Variants in LYPLAL1 observed in about 807,000 individuals in gnomAD.
LYPLAL1 encodes lysophospholipase like 1.
LYPLAL1 carries 23 observed loss-of-function variants against 19.7 expected under a neutral mutation model. The ratio of observed to expected loss-of-function variants is 1.17; its 90% CI spans 0.84 to 1.65. The LOEUF is 1.65. Among genes scored for constraint, LYPLAL1 ranks in the 40% most tolerant of loss-of-function variants. LYPLAL1 has a pLI of 0.00. For missense variants in LYPLAL1, 355 were observed against 279.4 expected (o/e 1.27, Z -1.93); for synonymous variants, 119 against 96.3 (o/e 1.24, Z -1.38).
chr1:219,342,302 T>C, the LYPLAL1 span, among the ~76,000 whole-genome samples: 1 of 152,118 alleles, frequency 6.6e-6, no homozygotes, highest in African/African-American at 2.4e-5. Flanking sequence ...AGGAGGGAGA[T>C]AGAGATAGTA....
downstream of LYPLAL1, among the ~76,000 whole-genome samples, chr1:219,217,355 C>G (rs944032750): frequency 7.5e-6 from 1 of 133,628 alleles, no homozygotes; most frequent in Non-Finnish European, 1.6e-5. Flanking sequence ...TTCAAGGTAT[C>G]GTTAGTATTG....
At chr1:219,353,895 G>GA in the LYPLAL1 span, among the ~76,000 whole-genome samples, 1 of 151,690 alleles carries the variant, frequency 6.6e-6, no homozygotes, top group Non-Finnish European at 1.5e-5. Flanking sequence ...AGAGCTAAAT[G>GA]AAAACATGAA....
At chr1:219,238,128 T>TC in the LYPLAL1 span, among the ~76,000 whole-genome samples, 1 of 143,030 alleles carries the variant, frequency 7.0e-6, no homozygotes, top group East Asian at 2.0e-4. Flanking sequence ...TAAACTTTTT[T>TC]TTTTTTTTTT....
At chr1:219,365,224 G>A in the LYPLAL1 span, among the ~76,000 whole-genome samples, 35 of 152,190 alleles carry the variant, frequency 2.3e-4, no homozygotes, top group African/African-American at 8.4e-4. Flanking sequence ...TAAAGGATCA[G>A]TAAGTGATCC....
chr1:219,224,008 A>G, the LYPLAL1 span, among the ~76,000 whole-genome samples: 5 of 152,174 alleles, frequency 3.3e-5, no homozygotes, highest in East Asian at 3.9e-4. Flanking sequence ...GGCTTGTCCA[A>G]TTGAAACTAG....
chr1:219,236,947 T>C, the LYPLAL1 span, among the ~76,000 whole-genome samples: 1 of 151,878 alleles, frequency 6.6e-6, no homozygotes, highest in Non-Finnish European at 1.5e-5. Context: ...GTTGTTCCCC[T>C]CCCTGTGTCC....
the LYPLAL1 span, among the ~76,000 whole-genome samples, chr1:219,331,593 C>T: frequency 6.6e-6 from 1 of 152,198 alleles, no homozygotes; most frequent in Non-Finnish European, 1.5e-5. Flanking sequence ...TTTATGCACA[C>T]ATGCCGTTGC....
the LYPLAL1 span, among the ~76,000 whole-genome samples, chr1:219,428,481 C>T: frequency 1.8e-4 from 27 of 152,284 alleles, no homozygotes; most frequent in African/African-American, 6.0e-4. Flanking sequence ...TCATCACCAC[C>T]AGAATTAATG....
At chr1:219,234,801 A>G in the LYPLAL1 span, among the ~76,000 whole-genome samples, 1 of 152,152 alleles carries the variant, frequency 6.6e-6, no homozygotes, top group African/African-American at 2.4e-5. Flanking sequence ...ACATTTATTC[A>G]TGTTCACTCA....
the LYPLAL1 span, among the ~76,000 whole-genome samples, chr1:219,263,703 G>T: frequency 6.6e-6 from 1 of 152,158 alleles, no homozygotes; most frequent in Non-Finnish European, 1.5e-5. Flanking sequence ...AGTGCCTACA[G>T]GGCTCTTCCT....
At chr1:219,382,511 C>G in the LYPLAL1 span, among the ~76,000 whole-genome samples, 4 of 152,134 alleles carry the variant, frequency 2.6e-5, no homozygotes, top group Admixed American at 6.5e-5. Flanking sequence ...AGGCGCCCAC[C>G]ACTGCGCCCG....
chr1:219,399,466 G>T, the LYPLAL1 span, among the ~76,000 whole-genome samples: 143 of 152,304 alleles, frequency 9.4e-4, no homozygotes, highest in African/African-American at 3.0e-3. Context: ...GAAGTGGCAG[G>T]TCAGGGTGCA....
the LYPLAL1 span, among the ~76,000 whole-genome samples, chr1:219,445,414 GGGGGC>G: frequency 9.4e-6 from 1 of 105,906 alleles, no homozygotes; most frequent in South Asian, 4.0e-4. Context: ...AAATTGGGGG[GGGGGC>G]GGTGGGGGGA....
the LYPLAL1 span, among the ~76,000 whole-genome samples, chr1:219,401,992 C>T: frequency 3.3e-5 from 5 of 152,206 alleles, no homozygotes; most frequent in Admixed American, 2.6e-4. Flanking sequence ...AGAACTTGGC[C>T]TCCTATTGCA....
chr1:219,400,624 A>G, the LYPLAL1 span, among the ~76,000 whole-genome samples: 1 of 152,000 alleles, frequency 6.6e-6, no homozygotes, highest in Non-Finnish European at 1.5e-5. Context: ...CCTCTCGAGT[A>G]GCTGGGATTA....
At chr1:219,254,893 G>A in the LYPLAL1 span, among the ~76,000 whole-genome samples, 1 of 151,824 alleles carries the variant, frequency 6.6e-6, no homozygotes, top group Admixed American at 6.6e-5. Flanking sequence ...TCCCTTTAAG[G>A]GATGCCAATG....
the LYPLAL1 span, among the ~76,000 whole-genome samples, chr1:219,407,159 T>A: frequency 6.6e-6 from 1 of 152,216 alleles, no homozygotes. Flanking sequence ...TCTTCTCTTG[T>A]CTTCTCAGCC....
the LYPLAL1 span, among the ~76,000 whole-genome samples, chr1:219,418,864 T>A: frequency 4.6e-5 from 7 of 152,260 alleles, no homozygotes; most frequent in Non-Finnish European, 7.3e-5. Context: ...TAAAAAAGTT[T>A]GCCTTTGCTA....
At position 219,173,976 on chromosome 1, in the gene LYPLAL1, G is replaced by C. The variant is rs767973121; in HGVS notation, c.86G>C (p.Gly29Ala). Residue 29 changes from glycine to alanine, a missense_variant, in exon 1 of 5, where the codon GGC (glycine) becomes GCC (alanine). Coordinates refer to ENST00000366928, the MANE Select transcript of LYPLAL1 (RefSeq NM_138794.5). The stretch of plus-strand genomic sequence containing the variant: ...AGCGCCTCTCTGATCTTCCTGCATG[G>C]CTCAGGTGGATTTCAATTTTACGTC... Reference protein sequence around the residue: ...RHSASLIFLHGSGDSGQGLRM... With the variant: ...RHSASLIFLHASGDSGQGLRM... The C allele has an allele frequency of 6.2e-7, 1 of 1,614,060 alleles. No individual in the cohort carries two copies. Among genetic ancestry groups the C allele is most frequent in the Non-Finnish European group, 8.5e-7 (1 of 1,179,982 alleles).
Sources: allele counts gnomAD v4.1 joint callset (sites outside exome capture counted in the v4.1 genomes callset), GRCh38; gene constraint gnomAD v4.1.1; transcripts MANE v1.5; gene names NCBI Gene and HGNC (gene_info 2026-07-23, HGNC 2026-07-21).